Variants in CALU observed in about 807,000 individuals in gnomAD.
CALU encodes IEF SSP 9302.
In CALU, 13 loss-of-function variants were observed where a neutral mutation model predicts 37.5. That is an observed-to-expected ratio of 0.35 (90% confidence interval 0.23 to 0.55). The LOEUF (loss-of-function observed/expected upper bound fraction) is 0.55. Among genes scored for constraint, CALU ranks in the 20% least tolerant of loss-of-function variants. The pLI, the probability that CALU is intolerant of heterozygous loss-of-function variation, is 0.89. For synonymous variants in CALU, 114 were observed against 133.8 expected, an observed-to-expected ratio of 0.85 and a Z score of 1.02; for missense variants, 282 against 391.7, an observed-to-expected ratio of 0.72 and a Z score of 2.36.
chr7:128,745,414 TG>T (rs1404335975), intron 1 of CALU, among the ~76,000 whole-genome samples: 2 of 151,766 alleles, frequency 1.3e-5, no homozygotes, highest in Non-Finnish European at 1.5e-5. Context: ...GAGACCAGTC[TG>T]GGCAACATAG....
intron 5 of CALU, among the ~76,000 whole-genome samples, chr7:128,760,805 C>T (rs1027077720): frequency 9.9e-5 from 15 of 151,958 alleles, no homozygotes; most frequent in African/African-American, 1.7e-4. Flanking sequence ...CTACTGGGGA[C>T]GCTGAGGCAG....
rs79955358 is a variant in CALU, at chr7:128,748,569, C to T, written c.-11-4C>T. On this transcript the variant is annotated splice_polypyrimidine_tract_variant and splice_region_variant and intron_variant, in intron 1 of 6. Coordinates refer to ENST00000249364, the MANE Select transcript of CALU (RefSeq NM_001219.5). ...TGAATTAACTGCTTTTCATTTTCTT[C>T]AAGATCTAATTATCATGGACCTGCG... 6.2e-7 allele frequency: 1 copy of T among 1,602,904 alleles called. No individual in the cohort carries two copies. Among genetic ancestry groups the T allele is most frequent in the Non-Finnish European group, 8.5e-7 (1 of 1,172,544 alleles).
At chr7:128,768,633 G>A (rs1227181164) in intron 6 of CALU, among the ~76,000 whole-genome samples, 1 of 152,026 alleles carries the variant, frequency 6.6e-6, no homozygotes, top group Non-Finnish European at 1.5e-5. Flanking sequence ...GAGATTGGGT[G>A]TTCAAGACCA....
At chr7:128,759,072 G>T (rs1384770369) in intron 4 of CALU, 35 bp downstream of exon 4, 8 of 1,559,024 alleles carry the variant, frequency 5.1e-6, no homozygotes, top group Non-Finnish European at 7.0e-6. Context: ...CAGGGACTCA[G>T]TTTCTCTTTT....
chr7:128,749,901 A>G (rs1012769682), intron 2 of CALU, among the ~76,000 whole-genome samples: 4 of 152,182 alleles, frequency 2.6e-5, no homozygotes, highest in African/African-American at 7.2e-5. Flanking sequence ...TTCAGTTTTA[A>G]TCTAATAACT....
chr7:128,757,856 G>T (rs1279840566), intron 3 of CALU, among the ~76,000 whole-genome samples: 1 of 150,398 alleles, frequency 6.6e-6, no homozygotes, highest in Non-Finnish European at 1.5e-5. Flanking sequence ...TGCTTGTGTA[G>T]CTCGATGTCA....
intron 5 of CALU, among the ~76,000 whole-genome samples, chr7:128,764,679 G>A (rs1184001779): frequency 1.3e-5 from 2 of 151,392 alleles, no homozygotes; most frequent in Non-Finnish European, 2.9e-5. Context: ...GAAAATATCC[G>A]TAATTTTTTA....
At position 128,739,367 on chromosome 7, in the gene CALU, G is replaced by C. The variant is rs1337797100; in HGVS notation, c.-77G>C. The C allele has an allele frequency of 6.6e-6, 1 of 152,542 alleles. No homozygotes were observed. Among genetic ancestry groups the C allele is most frequent in the Non-Finnish European group, 1.5e-5 (1 of 68,334 alleles). 9.4% of individuals were successfully genotyped at this position (152,542 alleles called of 1,614,324 possible). ...GCTTCCGGTTGGGCGGTGCTTGCGC[G>C]CGTGAGCTGAGCCGGTGGGTGAGCG... On this transcript the variant is annotated 5_prime_UTR_variant, in exon 1 of 7. Coordinates refer to ENST00000249364, the MANE Select transcript of CALU (RefSeq NM_001219.5).
intron 5 of CALU, among the ~76,000 whole-genome samples, chr7:128,760,743 C>T: frequency 6.6e-6 from 1 of 152,172 alleles, no homozygotes; most frequent in Middle Eastern, 3.2e-3. Flanking sequence ...CCTGTCTCTA[C>T]TAAAAATACA....
intron 1 of CALU, among the ~76,000 whole-genome samples, chr7:128,745,142 T>C (rs1478974783): frequency 6.6e-6 from 1 of 152,224 alleles, no homozygotes; most frequent in Non-Finnish European, 1.5e-5. Flanking sequence ...AATGTAATCA[T>C]TTGTAAAATT....
Position 128,771,752 on chromosome 7 carries a change from T to C in CALU, c.*2585T>C, listed in dbSNP as rs957731720. On this transcript the variant is annotated 3_prime_UTR_variant, in exon 7 of 7. Transcript: ENST00000249364. ...TTATCTGATACCAAACACAAGCGAT[T>C]CTGAATGTACACACACGTTTATCTA... 2.6e-5 allele frequency: 4 copies of C among 152,236 alleles called. No individual in the cohort carries two copies. The highest frequency in any genetic ancestry group is 7.2e-5 in the African/African-American group (3 of 41,448). The allele number at this position is 152,236 out of a possible 1,614,324, so 9.4% of individuals were successfully genotyped here. A position where few individuals can be genotyped will look rare whatever the true frequency, so the allele number is the denominator to read the frequency against.
chr7:128,748,328 A>C (rs541849674), intron 1 of CALU: 2 of 1,459,020 alleles, frequency 1.4e-6, no homozygotes, highest in Non-Finnish European at 1.8e-6. Context: ...CATTTTAACT[A>C]TAAGTTTCTT....
intron 1 of CALU, among the ~76,000 whole-genome samples, chr7:128,746,072 G>A (rs1453091843): frequency 9.9e-5 from 15 of 151,044 alleles, no homozygotes; most frequent in South Asian, 2.1e-4. Context: ...AGATCTTGAC[G>A]TTGTTTTGAA....
At chr7:128,740,300 G>T (rs1344841317) in intron 1 of CALU, among the ~76,000 whole-genome samples, 1 of 152,218 alleles carries the variant, frequency 6.6e-6, no homozygotes, top group Admixed American at 6.5e-5. Context: ...TTCTAGAATA[G>T]TGTCTTCGAG....
In CALU at chr7:128,769,362, CTAAT is replaced by C. The variant is rs1187591761; in HGVS notation, c.*198_*201del. 33 of 470,948 alleles carry C rather than the reference CTAAT, an allele frequency of 7.0e-5. No homozygotes were observed. The highest frequency in any genetic ancestry group is 6.0e-4 in the African/African-American group (31 of 51,314). The allele number at this position is 470,948 out of a possible 1,614,324, so 29.2% of individuals were successfully genotyped here. On this transcript the variant is annotated 3_prime_UTR_variant, in exon 7 of 7. Transcript: ENST00000249364. ...GAAGCCGTGCTTCTGAGGAACAACT[CTAAT>C]TAGTACACTTGTGTTTGTAGATTTA... is the stretch of plus-strand genomic sequence containing the variant.
chr7:128,745,760 AGC>A (rs1800408086), intron 1 of CALU, among the ~76,000 whole-genome samples: 1 of 152,248 alleles, frequency 6.6e-6, no homozygotes, highest in Non-Finnish European at 1.5e-5. Flanking sequence ...TTGGAGGGTC[AGC>A]CAGAGTGTTG....
chr7:128,741,007 T>A (rs1296929335), intron 1 of CALU, among the ~76,000 whole-genome samples: 1 of 152,214 alleles, frequency 6.6e-6, no homozygotes, highest in Non-Finnish European at 1.5e-5. Context: ...TAGCTGAGAC[T>A]AGAGGTATAT....
rs114295169 is a variant in CALU at position 128,744,813 on chromosome 7, G to A, written c.-11-3760G>A. Among the ~76,000 whole-genome samples the A allele has an allele frequency of 3.6e-3, 549 of 152,268 alleles. 3 individuals carry two copies. The highest frequency in any genetic ancestry group is 0.013 in the African/African-American group (532 of 41,548). ...TGACAGAATGGAGGAGCCTGTTTAAGGGATGAGATTGAAAGTTTATTCAGG... is the reference window on the plus strand; with the variant it reads ...TGACAGAATGGAGGAGCCTGTTTAAAGGATGAGATTGAAAGTTTATTCAGG... On this transcript the variant is annotated intron_variant, in intron 1 of 6. Coordinates refer to ENST00000249364, the MANE Select transcript of CALU (RefSeq NM_001219.5).
chr7:128,767,074 CT>C (rs1273843643), intron 5 of CALU, among the ~76,000 whole-genome samples: 1 of 152,172 alleles, frequency 6.6e-6, no homozygotes, highest in Non-Finnish European at 1.5e-5. Context: ...ATAATGGACT[CT>C]TTGTAGTAAT....
Sources: allele counts gnomAD v4.1 joint callset (sites outside exome capture counted in the v4.1 genomes callset), GRCh38; gene constraint gnomAD v4.1.1; transcripts MANE v1.5; gene names NCBI Gene and HGNC (gene_info 2026-07-23, HGNC 2026-07-21).